The following MTUS1 variants were observed in gnomAD, a reference collection of about 807,000 sequenced individuals.
MTUS1 encodes the protein microtubule-associated tumor suppressor 1.
Under a neutral mutation model 120.8 loss-of-function variants are expected in MTUS1, and 109 were observed. The ratio of observed to expected loss-of-function variants is 0.90; its 90% CI spans 0.77 to 1.06. The LOEUF is 1.06. MTUS1 is among the 50% of genes least tolerant of loss of function. The pLI is 0.00. For missense variants in MTUS1, 2,210 were observed against 1,486.3 expected (o/e 1.49, Z -8.01); for synonymous variants, 737 against 550.5 (o/e 1.34, Z -4.74).
chr8:17,676,678 T>C (rs1434693922), intron 7 of MTUS1, among the ~76,000 whole-genome samples: 1 of 152,152 alleles, frequency 6.6e-6, no homozygotes, highest in African/African-American at 2.4e-5. Flanking sequence ...CCCCTCTGCA[T>C]GGATAATGGA....
At chr8:17,681,030 G>C (rs1360152299) in intron 7 of MTUS1, among the ~76,000 whole-genome samples, 2 of 151,950 alleles carry the variant, frequency 1.3e-5, no homozygotes, top group Non-Finnish European at 2.9e-5. Context: ...ACCTCTCAAA[G>C]TAAAGTGATT....
Position 17,754,392 on chromosome 8 carries a change from C to T in MTUS1, c.1416G>A (p.Val472=). Residue 472 remains valine (V), a synonymous_variant, in exon 2 of 15, where the codon GTG becomes GTA. Coordinates refer to ENST00000693296, the MANE Select transcript of MTUS1 (RefSeq NM_001363059.2). ...TTCCTAAACTGGGTTTACACAGGTT[C>T]ACAGGTGCCTCCTTCGAGTCTGGTA... ...KNIPDSKEAP[V]NLCKPSLGKS... 1 of 1,614,158 alleles carries T rather than the reference C, an allele frequency of 6.2e-7. No homozygotes were observed. Among genetic ancestry groups the T allele is most frequent in the Non-Finnish European group, 8.5e-7 (1 of 1,180,026 alleles).
In MTUS1 at chr8:17,695,923, G is replaced by C. The variant is rs993562972; in HGVS notation, c.2624-11381C>G. Among the ~76,000 whole-genome samples, 8 of 152,306 alleles carry C rather than the reference G, an allele frequency of 5.3e-5. No homozygotes were observed. In the South Asian group the frequency reaches 6.2e-4, roughly 12 times the overall value. ...GCAGACAGGGACTCTGGGTAAGAGA[G>C]AGGCTTGCCTAGGACTGCACAACCT... On this transcript the variant is annotated intron_variant, in intron 6 of 14. Transcript: ENST00000693296.
chr8:17,726,810 A>G (rs1173698471), intron 3 of MTUS1, among the ~76,000 whole-genome samples: 1 of 152,240 alleles, frequency 6.6e-6, no homozygotes, highest in Non-Finnish European at 1.5e-5. Context: ...CTGATGAGTC[A>G]TCATCAAAAC....
chr8:17,722,124 C>T, intron 4 of MTUS1: 1 of 1,261,942 alleles, frequency 7.9e-7, no homozygotes. Context: ...CGCCACTAGA[C>T]AGGCTCTGTG....
intron 7 of MTUS1, chr8:17,676,298 T>G (rs752148118): frequency 1.4e-6 from 1 of 702,960 alleles, no homozygotes; most frequent in Non-Finnish European, 2.6e-6. Flanking sequence ...ACATGGAGAA[T>G]AGAGGCACAG....
chr8:17,754,209 T>G lies in MTUS1; in HGVS notation c.1599A>C (p.Arg533Ser), dbSNP rs754934067. ...GTGATGAGGCACTGGTCTGCTGAGG[T>G]CTGGGCGTGACCTTTGATAAAGCAG... ...KDAALSKVTP[R>S]PQQTSASSPS... Residue 533 changes from arginine to serine, a missense_variant, in exon 2 of 15, where the codon AGA (arginine) becomes AGC (serine). Physicochemically the swap from Arg to Ser is moderately radical, Grantham distance 110 (BLOSUM62 -1). Coordinates refer to ENST00000693296, the MANE Select transcript of MTUS1 (RefSeq NM_001363059.2). 1.9e-6 allele frequency: 3 copies of G among 1,614,154 alleles called. No homozygotes were observed. The highest frequency in any genetic ancestry group is 2.5e-6 in the Non-Finnish European group (3 of 1,180,042).
intron 8 of MTUS1, among the ~76,000 whole-genome samples, chr8:17,657,789 G>C (rs1432679778): frequency 1.0e-5 from 1 of 97,746 alleles, no homozygotes; most frequent in Non-Finnish European, 1.9e-5. Flanking sequence ...AACAGAGCAA[G>C]ACCCTATCTC....
Position 17,653,288 on chromosome 8 carries a change from C to G in MTUS1, c.3289-7G>C. On this transcript the variant is annotated splice_polypyrimidine_tract_variant and splice_region_variant and intron_variant, in intron 11 of 14. Coordinates refer to ENST00000693296, the MANE Select transcript of MTUS1 (RefSeq NM_001363059.2). ...TCAGATCATTGATTTGCTTCTAAAACACAATGAAATGTGGAACTTAAGTTA... is the reference window on the plus strand; with the variant it reads ...TCAGATCATTGATTTGCTTCTAAAAGACAATGAAATGTGGAACTTAAGTTA... 1.9e-6 allele frequency: 3 copies of G among 1,539,158 alleles called. No homozygotes were observed. Among genetic ancestry groups the G allele is most frequent in the Non-Finnish European group, 2.6e-6 (3 of 1,141,850 alleles).
chr8:17,728,407 A>G (rs758213209), intron 3 of MTUS1, among the ~76,000 whole-genome samples: 1 of 152,182 alleles, frequency 6.6e-6, no homozygotes, highest in Non-Finnish European at 1.5e-5. Flanking sequence ...GCCTGGCCAA[A>G]ACAGATCATC....
intron 6 of MTUS1, among the ~76,000 whole-genome samples, chr8:17,703,000 G>T (rs372466884): frequency 1.3e-5 from 2 of 152,068 alleles, no homozygotes; most frequent in Non-Finnish European, 2.9e-5. Context: ...GAGGATGTAC[G>T]TCACCTCAGG....
chr8:17,776,684 A>G (rs2050466790), intron 1 of MTUS1, among the ~76,000 whole-genome samples: 3 of 139,708 alleles, frequency 2.1e-5, no homozygotes, highest in Non-Finnish European at 4.5e-5. Flanking sequence ...GTCTCAAAAA[A>G]AAAAAAAAAA....
chr8:17,777,210 T>C (rs151101546), intron 1 of MTUS1, among the ~76,000 whole-genome samples: 19 of 152,056 alleles, frequency 1.2e-4, no homozygotes, highest in African/African-American at 4.3e-4. Flanking sequence ...GTCAAGGTGG[T>C]TGGATCACCT....
intron 1 of MTUS1, among the ~76,000 whole-genome samples, chr8:17,773,853 T>C (rs2050194927): frequency 9.7e-6 from 1 of 103,614 alleles, no homozygotes; most frequent in East Asian, 2.8e-4. Context: ...GTCAACCAGC[T>C]TGGACACAGA....
chr8:17,652,579 A>G (rs928990612), intron 12 of MTUS1, among the ~76,000 whole-genome samples: 23 of 152,004 alleles, frequency 1.5e-4, no homozygotes, highest in African/African-American at 4.8e-4. Context: ...CTGGTGACCA[A>G]TGGACAACTT....
intron 6 of MTUS1, among the ~76,000 whole-genome samples, chr8:17,693,680 T>TA (rs1464234045): frequency 6.6e-6 from 1 of 152,214 alleles, no homozygotes; most frequent in Non-Finnish European, 1.5e-5. Context: ...AAGGCACTTC[T>TA]ACTGGAGGAC....
intron 2 of MTUS1, among the ~76,000 whole-genome samples, chr8:17,745,811 A>T (rs2047698532): frequency 6.6e-6 from 1 of 152,096 alleles, no homozygotes; most frequent in Admixed American, 6.5e-5. Flanking sequence ...GTACCTTTGG[A>T]AGCTAGTGAT....
chr8:17,708,132 G>A (rs1163899805), intron 6 of MTUS1, among the ~76,000 whole-genome samples: 3 of 152,162 alleles, frequency 2.0e-5, no homozygotes, highest in Non-Finnish European at 4.4e-5. Flanking sequence ...AATTTAAAAC[G>A]TTTATGTTTC....
intron 6 of MTUS1, 59 bp downstream of exon 6, chr8:17,713,155 T>G: frequency 7.7e-7 from 1 of 1,298,636 alleles, no homozygotes; most frequent in Non-Finnish European, 1.1e-6. Flanking sequence ...TAAATACTTG[T>G]AGTAACATAA....
Sources: allele counts gnomAD v4.1 joint callset (sites outside exome capture counted in the v4.1 genomes callset), GRCh38; gene constraint gnomAD v4.1.1; transcripts MANE v1.5; gene names NCBI Gene and HGNC (gene_info 2026-07-23, HGNC 2026-07-21).